The following RALYL variants were observed in gnomAD, a reference collection of about 807,000 sequenced individuals.
RALYL encodes the protein RNA-binding Raly-like protein.
In RALYL, 29 loss-of-function variants were observed where a neutral mutation model predicts 35.1. That is an observed-to-expected ratio of 0.83 (90% CI 0.61 to 1.13). The LOEUF (loss-of-function observed/expected upper bound fraction) is 1.13. Ranked by LOEUF, RALYL falls within the 50% of genes most tolerant of loss-of-function variation. RALYL has a pLI of 0.00. For synonymous variants in RALYL, 120 were observed against 127.6 expected, an observed-to-expected ratio of 0.94 and a Z score of 0.40; for missense variants, 359 against 360.4, an observed-to-expected ratio of 1.00 and a Z score of 0.03.
intron 2 of RALYL, among the ~76,000 whole-genome samples, chr8:84,565,184 G>A (rs912957252): frequency 2.6e-5 from 4 of 151,560 alleles, no homozygotes; most frequent in Admixed American, 6.6e-5. Flanking sequence ...AATTACATAT[G>A]TAGTTAATGA....
intron 1 of RALYL, among the ~76,000 whole-genome samples, chr8:84,488,423 T>C (rs897263753): frequency 2.0e-5 from 3 of 151,996 alleles, no homozygotes; most frequent in African/African-American, 4.8e-5. Context: ...TACACAAAAG[T>C]TCCCATTTTC....
intron 8 of RALYL, among the ~76,000 whole-genome samples, chr8:84,915,539 G>A (rs76922246): frequency 1.3e-5 from 2 of 151,958 alleles, no homozygotes; most frequent in African/African-American, 2.4e-5. Flanking sequence ...TTCTAACCAC[G>A]ATTATCTACA....
At chr8:84,429,132 C>A (rs749128468) in intron 1 of RALYL, among the ~76,000 whole-genome samples, 1 of 151,806 alleles carries the variant, frequency 6.6e-6, no homozygotes, top group African/African-American at 2.4e-5. Flanking sequence ...GGAAGGGGCA[C>A]GAAAAAGCAT....
At chr8:84,480,504 C>T (rs2053931814) in intron 1 of RALYL, among the ~76,000 whole-genome samples, 1 of 152,060 alleles carries the variant, frequency 6.6e-6, no homozygotes, top group African/African-American at 2.4e-5. Flanking sequence ...GACTTCTGTG[C>T]GTATTCTAAA....
chr8:84,547,573 G>A (rs1009741344), intron 2 of RALYL, among the ~76,000 whole-genome samples: 2 of 151,934 alleles, frequency 1.3e-5, no homozygotes, highest in African/African-American at 4.8e-5. Flanking sequence ...TAGAGACAGG[G>A]TTTCATCATG....
chr8:84,565,664 CAAT>C (rs970558367), intron 2 of RALYL, among the ~76,000 whole-genome samples: 3 of 151,466 alleles, frequency 2.0e-5, no homozygotes, highest in Admixed American at 6.6e-5. Context: ...TAATAAATGT[CAAT>C]AAATAGTTAT....
intron 1 of RALYL, among the ~76,000 whole-genome samples, chr8:84,502,220 A>G (rs1284057343): frequency 6.6e-6 from 1 of 152,002 alleles, no homozygotes; most frequent in African/African-American, 2.4e-5. Context: ...CTTTACATAT[A>G]TGTGTGTGTA....
At chr8:84,483,614 A>G (rs1388915897) in intron 1 of RALYL, among the ~76,000 whole-genome samples, 2 of 152,140 alleles carry the variant, frequency 1.3e-5, no homozygotes, top group African/African-American at 2.4e-5. Flanking sequence ...CCAAGCAAAG[A>G]TATCTTCAAC....
At chr8:84,526,774 G>A (rs758325240) in intron 1 of RALYL, among the ~76,000 whole-genome samples, 4 of 152,090 alleles carry the variant, frequency 2.6e-5, no homozygotes, top group Non-Finnish European at 5.9e-5. Flanking sequence ...CCACTCCACG[G>A]ACACTGCTCT....
chr8:84,648,604 T>A (rs1007657319), intron 2 of RALYL, among the ~76,000 whole-genome samples: 3 of 152,004 alleles, frequency 2.0e-5, no homozygotes, highest in Admixed American at 2.0e-4. Context: ...ATATCCACAT[T>A]ACTATGCATG....
intron 1 of RALYL, among the ~76,000 whole-genome samples, chr8:84,469,134 T>C (rs540246774): frequency 6.6e-6 from 1 of 152,336 alleles, no homozygotes; most frequent in African/African-American, 2.4e-5. Flanking sequence ...TGAAGCCTTC[T>C]TCTCTCAGCT....
intron 2 of RALYL, among the ~76,000 whole-genome samples, chr8:84,771,913 G>T (rs915612473): frequency 1.3e-5 from 2 of 151,850 alleles, no homozygotes; most frequent in Non-Finnish European, 2.9e-5. Flanking sequence ...TTTATGTCTG[G>T]TTTAAGATTA....
At chr8:84,558,642 G>GT (rs1362676382) in intron 2 of RALYL, among the ~76,000 whole-genome samples, 1 of 151,846 alleles carries the variant, frequency 6.6e-6, no homozygotes, top group African/African-American at 2.4e-5. Flanking sequence ...AATTATGAGG[G>GT]TTTTTTTCTG....
chr8:84,277,333 A>G (rs1483174821), intron 1 of RALYL, among the ~76,000 whole-genome samples: 2 of 152,192 alleles, frequency 1.3e-5, no homozygotes, highest in Non-Finnish European at 2.9e-5. Flanking sequence ...CCATGAGAAC[A>G]GTATGGGGGA....
chr8:84,569,948 G>A (rs1304748639), intron 2 of RALYL, among the ~76,000 whole-genome samples: 1 of 151,666 alleles, frequency 6.6e-6, no homozygotes, highest in Non-Finnish European at 1.5e-5. Context: ...TGATCTACAT[G>A]TACATTTTTG....
intron 2 of RALYL, among the ~76,000 whole-genome samples, chr8:84,744,348 C>A (rs907225499): frequency 2.0e-5 from 3 of 151,954 alleles, no homozygotes; most frequent in African/African-American, 7.2e-5. Context: ...CTGTGGATTG[C>A]CCAGACACAA....
intron 4 of RALYL, among the ~76,000 whole-genome samples, chr8:84,838,910 T>C (rs943176484): frequency 6.6e-6 from 1 of 152,228 alleles, no homozygotes; most frequent in East Asian, 1.9e-4. Context: ...CTTCTTGCAA[T>C]TAAACTCTGC....
At chr8:84,896,562 G>A (rs534467760) in intron 8 of RALYL, among the ~76,000 whole-genome samples, 1 of 151,728 alleles carries the variant, frequency 6.6e-6, no homozygotes, top group Non-Finnish European at 1.5e-5. Flanking sequence ...AGTCTTGCGT[G>A]ATCTGGCCCC....
At chr8:84,783,726 T>C (rs1289748572) in intron 3 of RALYL, among the ~76,000 whole-genome samples, 1 of 152,188 alleles carries the variant, frequency 6.6e-6, no homozygotes, top group Non-Finnish European at 1.5e-5. Flanking sequence ...TGGATTCATA[T>C]GTATTTAAAA....
Sources: allele counts gnomAD v4.1 joint callset (sites outside exome capture counted in the v4.1 genomes callset), GRCh38; gene constraint gnomAD v4.1.1; transcripts MANE v1.5; gene names NCBI Gene and HGNC (gene_info 2026-07-23, HGNC 2026-07-21).